The following ITPR1 variants were observed in gnomAD, a reference collection of about 807,000 sequenced individuals.
ITPR1 encodes inositol 1,4,5-trisphosphate receptor type 1, also known as inositol 1,4,5-trisphosphate-gated calcium channel ITPR1.
Under a neutral mutation model 318.4 loss-of-function variants are expected in ITPR1, and 96 were observed. The observed-to-expected ratio is 0.30, with a 90% CI of 0.26 to 0.36. The LOEUF is 0.36. Among genes scored for constraint, ITPR1 ranks in the 10% least tolerant of loss-of-function variants. The pLI is 1.00. For synonymous variants in ITPR1, 1,312 were observed against 1,289.9 expected (o/e 1.02, Z -0.37); for missense variants, 2,440 against 3,460.2 (o/e 0.71, Z 7.40).
chr3:4,647,464 T>C (rs1235996758), intron 10 of ITPR1, among the ~76,000 whole-genome samples: 1 of 152,172 alleles, frequency 6.6e-6, no homozygotes, highest in Non-Finnish European at 1.5e-5. Context: ...TATGGTATGG[T>C]ATGGCATGGT....
At chr3:4,721,086 C>A in intron 40 of ITPR1, among the ~76,000 whole-genome samples, 1 of 149,082 alleles carries the variant, frequency 6.7e-6, no homozygotes, top group African/African-American at 2.5e-5. Context: ...CATACAGAAC[C>A]TATTGCAAAG....
intron 4 of ITPR1, among the ~76,000 whole-genome samples, chr3:4,574,039 ACAGAGGTGCCC>A (rs1455653420): frequency 1.3e-5 from 2 of 152,212 alleles, no homozygotes; most frequent in African/African-American, 4.8e-5. Flanking sequence ...GGCCATGGCG[ACAGAGGTGCCC>A]CATGTACACA....
intron 4 of ITPR1, among the ~76,000 whole-genome samples, chr3:4,576,171 A>G (rs2088636642): frequency 6.6e-6 from 1 of 152,238 alleles, no homozygotes; most frequent in Non-Finnish European, 1.5e-5. Flanking sequence ...GTGGTATAAA[A>G]TGAATTTCTT....
Position 4,646,784 on chromosome 3 carries a change from A to G in ITPR1, c.855+1056A>G, listed in dbSNP as rs566240662. 3.3e-5 allele frequency among the ~76,000 whole-genome samples: 5 copies of G among 152,340 alleles called. No individual in the cohort carries two copies. The South Asian group carries it at 1.0e-3, about 32-fold the overall frequency. On this transcript the variant is annotated intron_variant, in intron 10 of 61. Transcript: ENST00000649015. The stretch of plus-strand genomic sequence containing the variant: ...AACATGGAGCTCTTTCTTCACCTCA[A>G]GCCTTCCTTTCTGTGTAATTGCAGC...
intron 4 of ITPR1, among the ~76,000 whole-genome samples, chr3:4,556,148 T>C (rs546913579): frequency 4.6e-5 from 7 of 152,326 alleles, no homozygotes; most frequent in African/African-American, 9.6e-5. Flanking sequence ...TGCAACAACA[T>C]TGATAGGAAG....
At chr3:4,829,211 C>G (rs996148879) in intron 60 of ITPR1, among the ~76,000 whole-genome samples, 1 of 152,212 alleles carries the variant, frequency 6.6e-6, no homozygotes, top group Non-Finnish European at 1.5e-5. Context: ...GACTTATACA[C>G]TCATTCACCG....
chr3:4,516,748 T>C (rs1027198310), intron 3 of ITPR1, among the ~76,000 whole-genome samples, 165 bp downstream of exon 3: 1 of 152,244 alleles, frequency 6.6e-6, no homozygotes, highest in Non-Finnish European at 1.5e-5. Context: ...TTTAACCTCT[T>C]ATACAAAAAC....
At chr3:4,545,986 G>T (rs1438064835) in intron 4 of ITPR1, among the ~76,000 whole-genome samples, 1 of 152,012 alleles carries the variant, frequency 6.6e-6, no homozygotes, top group African/African-American at 2.4e-5. Flanking sequence ...CGTGACATGT[G>T]ATCTTGAGCG....
chr3:4,493,659 C>A (rs1258657714), intron 1 of ITPR1, 54 bp downstream of exon 1: 1 of 152,270 alleles, frequency 6.6e-6, no homozygotes, highest in Non-Finnish European at 1.5e-5. Flanking sequence ...GCTCCCCGGG[C>A]GCAGAAGTTT....
chr3:4,757,636 G>T (rs2045105180), intron 44 of ITPR1, among the ~76,000 whole-genome samples: 1 of 152,164 alleles, frequency 6.6e-6, no homozygotes, highest in Non-Finnish European at 1.5e-5. Context: ...GACTCAGCGG[G>T]TTACTTCTTG....
intron 6 of ITPR1, 128 bp downstream of exon 6, chr3:4,639,598 C>G (rs1280597433): frequency 5.9e-6 from 4 of 682,312 alleles, no homozygotes; most frequent in East Asian, 5.6e-5. Flanking sequence ...CAGTTTATTG[C>G]AAAAAGTCTA....
chr3:4,844,869 G>A (rs998410030), intron 61 of ITPR1, among the ~76,000 whole-genome samples: 1 of 152,160 alleles, frequency 6.6e-6, no homozygotes, highest in Non-Finnish European at 1.5e-5. Context: ...TGATTTGAGA[G>A]GATAATGCTA....
chr3:4,819,811 G>GA (rs551219445), intron 60 of ITPR1, among the ~76,000 whole-genome samples: 78 of 151,422 alleles, frequency 5.2e-4, no homozygotes, highest in South Asian at 2.5e-3. Context: ...AAAGAAAGGA[G>GA]AAAAAAAAAT....
chr3:4,782,489 A>ATCGG, intron 49 of ITPR1, 130 bp from the exon 50 acceptor site: 1 of 882,012 alleles, frequency 1.1e-6, no homozygotes. Flanking sequence ...GCTGTGTCCA[A>ATCGG]GCCCGATAGG....
chr3:4,564,339 T>C (rs1177074195), intron 4 of ITPR1, among the ~76,000 whole-genome samples: 8 of 152,234 alleles, frequency 5.3e-5, no homozygotes, highest in African/African-American at 1.7e-4. Context: ...TTGGCTCTGC[T>C]GTATTTCTTC....
rs576078627 is a variant in ITPR1 at position 4,805,716 on chromosome 3, A to G, written c.7108-387A>G. Among the ~76,000 whole-genome samples the G allele has an allele frequency of 5.3e-5, 8 of 152,342 alleles. 1 individual carries two copies. In the South Asian group the frequency reaches 1.4e-3, roughly 28 times the overall value. On this transcript the variant is annotated intron_variant, in intron 54 of 61. Transcript: ENST00000649015. ...ACAAATTCAGAAAATGCTTTTGATC[A>G]TGCTGATCACAGGGTTCGTGGATTG...
rs765581043 is a variant in ITPR1, at chr3:4,745,245, G to A, written c.5544+9891G>A. 2.7e-5 allele frequency among the ~76,000 whole-genome samples: 4 copies of A among 147,990 alleles called. 1 individual carries two copies. Among genetic ancestry groups the A allele is most frequent in the African/African-American group, 7.5e-5 (3 of 39,988 alleles). On this transcript the variant is annotated intron_variant, in intron 44 of 61. Coordinates refer to ENST00000649015, the MANE Select transcript of ITPR1 (RefSeq NM_001378452.1). Reference sequence around the variant, plus strand: ...CAGACAGGGTTGTTTTTTAAAAGACGTTTTCTTCCCTAGAGTCATCTCTGC... The same window carrying A: ...CAGACAGGGTTGTTTTTTAAAAGACATTTTCTTCCCTAGAGTCATCTCTGC...
chr3:4,714,994 G>A (rs2041660157), intron 39 of ITPR1, among the ~76,000 whole-genome samples: 1 of 152,180 alleles, frequency 6.6e-6, no homozygotes, highest in African/African-American at 2.4e-5. Flanking sequence ...TCGACCTCTT[G>A]TCATGTGCTA....
At chr3:4,637,735 G>T (rs2093232764) in intron 5 of ITPR1, among the ~76,000 whole-genome samples, 1 of 152,140 alleles carries the variant, frequency 6.6e-6, no homozygotes, top group Non-Finnish European at 1.5e-5. Flanking sequence ...TTTCATTTTG[G>T]CTTAGAATTG....
Sources: gnomAD v4.1 joint callset for allele counts (sites outside exome capture counted in the v4.1 genomes callset) on GRCh38, gnomAD v4.1.1 for gene constraint, MANE v1.5 for transcripts, NCBI Gene and HGNC (gene_info 2026-07-23, HGNC 2026-07-21) for gene names.